The following RUNX1T1 variants were observed in gnomAD, a reference collection of about 807,000 sequenced individuals.
The protein encoded by RUNX1T1 is RUNX1 partner transcriptional co-repressor 1.
A neutral mutation model predicts 62.8 loss-of-function variants in RUNX1T1; 4 were observed. The ratio of observed to expected loss-of-function variants is 0.06; its 90% CI spans 0.03 to 0.15. RUNX1T1 has a LOEUF of 0.15. Ranked by LOEUF, RUNX1T1 falls within the 10% of genes least tolerant of loss-of-function variation. RUNX1T1 has a pLI of 1.00. For missense variants in RUNX1T1, 508 were observed against 754.3 expected, an observed-to-expected ratio of 0.67 and a Z score of 3.82; for synonymous variants, 291 against 286.0, an observed-to-expected ratio of 1.02 and a Z score of -0.18.
intron 1 of RUNX1T1, among the ~76,000 whole-genome samples, chr8:92,035,110 C>T (rs543941361): frequency 3.9e-4 from 59 of 151,882 alleles, no homozygotes; most frequent in African/African-American, 1.3e-3. Context: ...GCCTGGCCAA[C>T]GTGGTGAAAC....
rs1810854169 is a variant in RUNX1T1, at chr8:91,963,064, T to C, written c.1459-2547A>G. On this transcript the variant is annotated intron_variant, in intron 10 of 10. Transcript: ENST00000396218. ...AGACAGAATGGGGGCTTCTTTATTT[T>C]TTAAAGTGTTTTCAAAGATGGGAAC... 2.0e-5 allele frequency among the ~76,000 whole-genome samples: 3 copies of C among 152,294 alleles called. No homozygotes were observed. The South Asian group carries it at 6.2e-4, about 32-fold the overall frequency.
In RUNX1T1 at chr8:92,073,282, A is replaced by G. The variant is rs541171514; in HGVS notation, c.88+2683T>C. ...GTGTGTACCTTGGGTATGCTTTAAA[A>G]CACCAGGTGGGAAACACAACAGCGT... On this transcript the variant is annotated intron_variant, in intron 2 of 11. Transcript: ENST00000265814. 5.3e-5 allele frequency among the ~76,000 whole-genome samples: 8 copies of G among 152,242 alleles called. 1 individual carries two copies. The South Asian group carries it at 1.7e-3, about 32-fold the overall frequency.
intron 1 of RUNX1T1, among the ~76,000 whole-genome samples, chr8:92,089,559 C>A (rs977320848): frequency 1.3e-5 from 2 of 152,098 alleles, no homozygotes; most frequent in African/African-American, 2.4e-5. Flanking sequence ...ACACAAGCAA[C>A]CCCATCCACC....
chr8:92,103,197 G>A, upstream of RUNX1T1: 1 of 329,832 alleles, frequency 3.0e-6, no homozygotes. Flanking sequence ...CCGCTTTTCT[G>A]TTGTTGCTGC....
chr8:91,965,015 A>G (rs1396426224), intron 10 of RUNX1T1, among the ~76,000 whole-genome samples: 1 of 152,178 alleles, frequency 6.6e-6, no homozygotes, highest in Non-Finnish European at 1.5e-5. Flanking sequence ...ACAGTGCATG[A>G]TGTTCATAGG....
chr8:92,090,090 G>A (rs1451257454), intron 1 of RUNX1T1, among the ~76,000 whole-genome samples: 1 of 151,832 alleles, frequency 6.6e-6, no homozygotes, highest in Non-Finnish European at 1.5e-5. Flanking sequence ...TTGCCTGAGG[G>A]CTGGAATGCA....
chr8:91,989,482 A>G (rs73306018), intron 6 of RUNX1T1, among the ~76,000 whole-genome samples: 3,146 of 152,338 alleles, frequency 0.021, 106 homozygotes, highest in African/African-American at 0.072. Flanking sequence ...ACATAAAACC[A>G]ATGGATACAG....
intron 1 of RUNX1T1, among the ~76,000 whole-genome samples, chr8:92,034,474 A>T (rs1826870641): frequency 6.6e-6 from 1 of 152,160 alleles, no homozygotes; most frequent in Non-Finnish European, 1.5e-5. Context: ...CCTGTGACTT[A>T]TATTAGCAAA....
At chr8:92,034,795 T>TAG (rs763510689) in intron 1 of RUNX1T1, among the ~76,000 whole-genome samples, 1 of 73,450 alleles carries the variant, frequency 1.4e-5, no homozygotes. Context: ...TATATACATA[T>TAG]ATACACACAC....
intron 1 of RUNX1T1, among the ~76,000 whole-genome samples, chr8:92,084,068 G>A (rs1353761287): frequency 6.6e-6 from 1 of 152,066 alleles, no homozygotes; most frequent in Admixed American, 6.5e-5. Context: ...ATGGACACAG[G>A]GAGGGGAACA....
At chr8:92,056,803 C>A (rs1252556540) in intron 1 of RUNX1T1, among the ~76,000 whole-genome samples, 2 of 152,034 alleles carry the variant, frequency 1.3e-5, no homozygotes, top group African/African-American at 4.8e-5. Flanking sequence ...ATTTTGTCTG[C>A]CAAGGTGTTG....
chr8:91,978,034 C>T (rs928007644), intron 8 of RUNX1T1, among the ~76,000 whole-genome samples: 2 of 152,164 alleles, frequency 1.3e-5, no homozygotes, highest in African/African-American at 4.8e-5. Flanking sequence ...GTCACCTGAC[C>T]TCCCAAAGTG....
intron 8 of RUNX1T1, among the ~76,000 whole-genome samples, chr8:91,979,330 AAC>A (rs1210182018): frequency 6.6e-6 from 1 of 152,166 alleles, no homozygotes; most frequent in African/African-American, 2.4e-5. Flanking sequence ...GGCTAATCTA[AAC>A]ACATCTACCT....
chr8:91,985,800 T>C (rs1231819682), intron 8 of RUNX1T1, among the ~76,000 whole-genome samples: 1 of 152,100 alleles, frequency 6.6e-6, no homozygotes, highest in Non-Finnish European at 1.5e-5. Flanking sequence ...CCAGGCCCAC[T>C]CCCTGAGATT....
At chr8:91,970,601 A>C in intron 10 of RUNX1T1, 57 bp downstream of exon 11, 2 of 1,398,378 alleles carry the variant, frequency 1.4e-6, no homozygotes, top group East Asian at 2.5e-5. Context: ...ATGAAGAATG[A>C]GCACTCTAAT....
At chr8:92,018,960 A>T (rs1215690933) in intron 1 of RUNX1T1, among the ~76,000 whole-genome samples, 1 of 152,204 alleles carries the variant, frequency 6.6e-6, no homozygotes, top group Non-Finnish European at 1.5e-5. Context: ...TTCTGAGTGA[A>T]AGGATGGTAG....
chr8:92,097,239 A>G (rs1563952312), intron 1 of RUNX1T1, among the ~76,000 whole-genome samples: 2 of 152,222 alleles, frequency 1.3e-5, no homozygotes, highest in Non-Finnish European at 2.9e-5. Flanking sequence ...GACCAGGTTC[A>G]ATAGTTAGAG....
At chr8:92,073,373 G>GC (rs1254457161) in intron 2 of RUNX1T1, among the ~76,000 whole-genome samples, 1 of 151,754 alleles carries the variant, frequency 6.6e-6, no homozygotes. Flanking sequence ...CCACCCTCCT[G>GC]CCCCCCAGCC....
chr8:92,094,897 C>A, intron 1 of RUNX1T1: 1 of 652,652 alleles, frequency 1.5e-6, no homozygotes, highest in Non-Finnish European at 2.6e-6. Context: ...TTGTCTCTCC[C>A]TTCTTCATCT....
Sources: allele counts gnomAD v4.1 joint callset (sites outside exome capture counted in the v4.1 genomes callset), GRCh38; gene constraint gnomAD v4.1.1; transcripts MANE v1.5; gene names NCBI Gene and HGNC (gene_info 2026-07-23, HGNC 2026-07-21).